ARB2A: variants seen among roughly 807,000 people sequenced by gnomAD.
ARB2A encodes cotranscriptional regulator ARB2A.
At chr5:93,711,834 T>C in the ARB2A span, among the ~76,000 whole-genome samples, 1 of 152,154 alleles carries the variant, frequency 6.6e-6, no homozygotes. Context: ...CCATGCCCAA[T>C]CATGTTATCC....
the ARB2A span, among the ~76,000 whole-genome samples, chr5:94,108,585 A>G: frequency 1.3e-5 from 2 of 152,342 alleles, no homozygotes; most frequent in East Asian, 3.9e-4. Context: ...CTCCAAAAAT[A>G]TATACCAGTG....
chr5:93,901,074 A>G, the ARB2A span, among the ~76,000 whole-genome samples: 1 of 152,134 alleles, frequency 6.6e-6, no homozygotes, highest in Non-Finnish European at 1.5e-5. Context: ...CCTCTAACCT[A>G]ATATAAGAGA....
At chr5:93,666,129 G>A in the ARB2A span, among the ~76,000 whole-genome samples, 1 of 152,194 alleles carries the variant, frequency 6.6e-6, no homozygotes, top group East Asian at 1.9e-4. Flanking sequence ...AAAACAGGTA[G>A]TGTCATACAA....
the ARB2A span, among the ~76,000 whole-genome samples, chr5:93,907,926 A>C: frequency 2.0e-5 from 3 of 151,274 alleles, no homozygotes; most frequent in African/African-American, 4.8e-5. Flanking sequence ...AAGACATAAC[A>C]ACATTGAAAA....
the ARB2A span, among the ~76,000 whole-genome samples, chr5:93,943,052 G>C: frequency 1.3e-5 from 2 of 152,094 alleles, no homozygotes; most frequent in African/African-American, 4.8e-5. Flanking sequence ...TAGTTGGTTA[G>C]AATGTTTTGT....
chr5:93,903,730 T>TGA, the ARB2A span, among the ~76,000 whole-genome samples: 2 of 151,636 alleles, frequency 1.3e-5, no homozygotes, highest in African/African-American at 4.8e-5. Context: ...TGTGTGTGTG[T>TGA]GTGTGTGTGT....
At chr5:93,770,307 C>T in the ARB2A span, among the ~76,000 whole-genome samples, 1 of 152,054 alleles carries the variant, frequency 6.6e-6, no homozygotes, top group Non-Finnish European at 1.5e-5. Context: ...GGACGTATCT[C>T]AAAATAATAA....
At chr5:93,946,578 A>G in the ARB2A span, among the ~76,000 whole-genome samples, 1 of 152,194 alleles carries the variant, frequency 6.6e-6, no homozygotes. Flanking sequence ...TGATTCTACC[A>G]TAACAGAAAG....
At chr5:93,732,336 G>T in the ARB2A span, among the ~76,000 whole-genome samples, 3 of 152,128 alleles carry the variant, frequency 2.0e-5, no homozygotes, top group Non-Finnish European at 4.4e-5. Flanking sequence ...GACAAGCAAA[G>T]AAGATTCTAC....
chr5:93,968,672 C>T, the ARB2A span, among the ~76,000 whole-genome samples: 1 of 151,886 alleles, frequency 6.6e-6, no homozygotes, highest in East Asian at 1.9e-4. Context: ...TGAGAATATT[C>T]CAAAATTAAT....
At chr5:93,780,564 T>A in the ARB2A span, among the ~76,000 whole-genome samples, 2 of 150,004 alleles carry the variant, frequency 1.3e-5, no homozygotes, top group East Asian at 4.0e-4. Context: ...TCCCTCTCTT[T>A]CTCTCTTTCT....
the ARB2A span, among the ~76,000 whole-genome samples, chr5:93,663,622 A>C: frequency 6.6e-6 from 1 of 152,140 alleles, no homozygotes; most frequent in South Asian, 2.1e-4. Context: ...GGCATGTACG[A>C]CGATGGAATG....
At chr5:93,803,104 G>T in the ARB2A span, among the ~76,000 whole-genome samples, 1 of 152,034 alleles carries the variant, frequency 6.6e-6, no homozygotes, top group Non-Finnish European at 1.5e-5. Flanking sequence ...ACAGGTGCCT[G>T]CTTAGATAGG....
the ARB2A span, among the ~76,000 whole-genome samples, chr5:93,676,192 A>T: frequency 9.8e-5 from 15 of 152,300 alleles, no homozygotes; most frequent in East Asian, 2.7e-3. Context: ...CACATTTGGA[A>T]TCAATTTCTT....
chr5:93,884,620 T>C, the ARB2A span, among the ~76,000 whole-genome samples: 4 of 151,684 alleles, frequency 2.6e-5, no homozygotes, highest in Admixed American at 2.0e-4. Flanking sequence ...GAAAATATTT[T>C]ATCCTTTAGA....
At chr5:93,656,176 A>T in the ARB2A span, among the ~76,000 whole-genome samples, 1 of 152,188 alleles carries the variant, frequency 6.6e-6, no homozygotes, top group Admixed American at 6.6e-5. Context: ...TGAATTACAG[A>T]CATTTTCTGA....
the ARB2A span, chr5:93,743,501 A>T: frequency 1.0e-6 from 1 of 977,384 alleles, no homozygotes; most frequent in Non-Finnish European, 1.2e-6. Flanking sequence ...TTTAAGAATA[A>T]CTTTGCTGGT....
the ARB2A span, among the ~76,000 whole-genome samples, chr5:94,016,967 C>A: frequency 6.6e-6 from 1 of 152,098 alleles, no homozygotes; most frequent in Non-Finnish European, 1.5e-5. Flanking sequence ...CATTATTGAA[C>A]GGTAGAAGAC....
chr5:94,012,474 C>T, the ARB2A span, among the ~76,000 whole-genome samples: 2 of 152,188 alleles, frequency 1.3e-5, no homozygotes, highest in African/African-American at 4.8e-5. Context: ...TGTGTTTCTT[C>T]TCTTACTCTT....
Sources: gnomAD v4.1 joint callset for allele counts (sites outside exome capture counted in the v4.1 genomes callset) on GRCh38, gnomAD v4.1.1 for gene constraint, MANE v1.5 for transcripts, NCBI Gene and HGNC (gene_info 2026-07-23, HGNC 2026-07-21) for gene names.